The following RBFOX1 variants were observed in gnomAD, a reference collection of about 807,000 sequenced individuals.
RBFOX1 encodes the protein RNA binding protein fox-1 homolog 1.
A neutral mutation model predicts 57.7 loss-of-function variants in RBFOX1; 8 were observed. The ratio of observed to expected loss-of-function variants is 0.14; its 90% confidence interval spans 0.08 to 0.25. RBFOX1 has a LOEUF of 0.25. RBFOX1 is among the 10% of genes least tolerant of loss of function. RBFOX1 has a pLI of 1.00. For synonymous variants in RBFOX1, 326 were observed against 222.4 expected (o/e 1.47, Z -4.15); for missense variants, 611 against 548.5 (o/e 1.11, Z -1.14).
intron 2 of RBFOX1, among the ~76,000 whole-genome samples, chr16:6,604,542 A>C (rs913755588): frequency 2.0e-5 from 3 of 152,210 alleles, no homozygotes; most frequent in Non-Finnish European, 4.4e-5. Flanking sequence ...AGTTGCTTCA[A>C]ATACTTTAGA....
chr16:7,499,620 G>C (rs945522818), intron 4 of RBFOX1, among the ~76,000 whole-genome samples: 1 of 152,124 alleles, frequency 6.6e-6, no homozygotes, highest in Admixed American at 6.6e-5. Context: ...AGATAGACAC[G>C]TTAAAAATCA....
At chr16:6,449,992 C>T (rs527635819) in intron 2 of RBFOX1, among the ~76,000 whole-genome samples, 2 of 152,290 alleles carry the variant, frequency 1.3e-5, no homozygotes, top group South Asian at 2.1e-4. Flanking sequence ...CGTTAGTTCC[C>T]TGCTAGAATT....
At chr16:5,525,990 C>G (rs1407887377) in intron 2 of RBFOX1, among the ~76,000 whole-genome samples, 1 of 151,866 alleles carries the variant, frequency 6.6e-6, no homozygotes, top group Non-Finnish European at 1.5e-5. Flanking sequence ...GAGCTGGTAT[C>G]AAGGCTGGGA....
chr16:6,001,194 A>C (rs929259896), intron 4 of RBFOX1, among the ~76,000 whole-genome samples: 2 of 152,234 alleles, frequency 1.3e-5, no homozygotes, highest in African/African-American at 4.8e-5. Context: ...TCATCTTTGC[A>C]CAGCATGCTT....
At chr16:5,345,726 G>A (rs1001509988) in intron 1 of RBFOX1, among the ~76,000 whole-genome samples, 2 of 152,138 alleles carry the variant, frequency 1.3e-5, no homozygotes, top group East Asian at 3.9e-4. Context: ...CGATGCATGG[G>A]AGAGAGTGGT....
chr16:5,854,428 T>C (rs745391636), intron 3 of RBFOX1, among the ~76,000 whole-genome samples: 4 of 152,196 alleles, frequency 2.6e-5, no homozygotes, highest in Non-Finnish European at 5.9e-5. Flanking sequence ...TGAAATCATG[T>C]AGTATTTGTC....
intron 4 of RBFOX1, among the ~76,000 whole-genome samples, chr16:7,515,831 A>G (rs1474693219): frequency 6.6e-6 from 1 of 150,944 alleles, no homozygotes; most frequent in Non-Finnish European, 1.5e-5. Flanking sequence ...TTCAAGTGGC[A>G]GTTCGTTGTT....
chr16:6,662,375 C>T (rs1347276369), intron 3 of RBFOX1, among the ~76,000 whole-genome samples: 1 of 152,110 alleles, frequency 6.6e-6, no homozygotes, highest in Non-Finnish European at 1.5e-5. Context: ...CAAAAGGTCA[C>T]ATTGTATCTG....
chr16:7,599,559 GT>G (rs1438883091), intron 9 of RBFOX1, among the ~76,000 whole-genome samples: 1 of 150,724 alleles, frequency 6.6e-6, no homozygotes, highest in African/African-American at 2.5e-5. Context: ...CACAAATGAA[GT>G]CCTATAAAGA....
At chr16:6,964,672 C>T (rs1485099138) in intron 3 of RBFOX1, among the ~76,000 whole-genome samples, 1 of 152,146 alleles carries the variant, frequency 6.6e-6, no homozygotes, top group Admixed American at 6.5e-5. Context: ...TCATTCCTTC[C>T]CAGGATTTGC....
intron 4 of RBFOX1, among the ~76,000 whole-genome samples, chr16:7,180,182 T>A (rs899753574): frequency 6.6e-6 from 1 of 152,196 alleles, no homozygotes; most frequent in Non-Finnish European, 1.5e-5. Flanking sequence ...TATAATAATA[T>A]CCAAAGAACA....
intron 3 of RBFOX1, among the ~76,000 whole-genome samples, chr16:6,946,010 G>C (rs2079440938): frequency 6.6e-6 from 1 of 152,188 alleles, no homozygotes; most frequent in Non-Finnish European, 1.5e-5. Context: ...TGGAGCCTCT[G>C]GAGCCCCCTT....
At chr16:7,212,588 G>A (rs1392172075) in intron 4 of RBFOX1, among the ~76,000 whole-genome samples, 1 of 151,990 alleles carries the variant, frequency 6.6e-6, no homozygotes, top group African/African-American at 2.4e-5. Context: ...CACATCCCTT[G>A]AAGGCTGAGA....
chr16:7,052,220 T>A, intron 4 of RBFOX1, 122 bp downstream of exon 4: 1 of 1,390,150 alleles, frequency 7.2e-7, no homozygotes. Flanking sequence ...ACTGGTAGAG[T>A]TGAAAATATT....
intron 2 of RBFOX1, among the ~76,000 whole-genome samples, chr16:5,597,263 C>G (rs575172467): frequency 7.0e-6 from 1 of 142,564 alleles, no homozygotes; most frequent in African/African-American, 2.6e-5. Context: ...CTCTGCACCT[C>G]TCTGTCCTTC....
intron 4 of RBFOX1, among the ~76,000 whole-genome samples, chr16:7,509,296 C>G (rs1021307343): frequency 3.9e-5 from 6 of 151,982 alleles, no homozygotes; most frequent in Admixed American, 1.3e-4. Context: ...ACTGTAAGGT[C>G]TATAGGGACA....
At chr16:6,840,507 C>T (rs1444961096) in intron 3 of RBFOX1, among the ~76,000 whole-genome samples, 1 of 152,060 alleles carries the variant, frequency 6.6e-6, no homozygotes, top group Non-Finnish European at 1.5e-5. Flanking sequence ...AAATTCTAAT[C>T]CCAAGGTGAT....
chr16:7,246,981 T>G lies in RBFOX1; in HGVS notation c.27+194883T>G, dbSNP rs565671637. Among the ~76,000 whole-genome samples, 6 of 152,292 alleles carry G rather than the reference T, an allele frequency of 3.9e-5. No individual in the cohort carries two copies. In the East Asian group the frequency reaches 7.7e-4, roughly 20 times the overall value. On this transcript the variant is annotated intron_variant, in intron 4 of 15. Transcript: ENST00000550418. ...CCACATTAGGATACCCTATGTATTC[T>G]TTTCCTATTGGTCCCCAGCAATCAC...
At chr16:6,831,182 G>C (rs967630313) in intron 3 of RBFOX1, among the ~76,000 whole-genome samples, 1 of 152,142 alleles carries the variant, frequency 6.6e-6, no homozygotes, top group Non-Finnish European at 1.5e-5. Context: ...TTTGGAGGTG[G>C]GGAATGAGAG....
Sources: gnomAD v4.1 joint callset for allele counts (sites outside exome capture counted in the v4.1 genomes callset) on GRCh38, gnomAD v4.1.1 for gene constraint, MANE v1.5 for transcripts, NCBI Gene and HGNC (gene_info 2026-07-23, HGNC 2026-07-21) for gene names.